Variants in EDIL3 observed in about 807,000 individuals in gnomAD.
EDIL3 encodes the protein EGF like and discoidin domains 3, also known as EGF-like repeat and discoidin I-like domain-containing protein 3.
Under a neutral mutation model 67.4 loss-of-function variants are expected in EDIL3, and 37 were observed. That is an observed-to-expected ratio of 0.55 (90% CI 0.42 to 0.72). The LOEUF is 0.72. Ranked by LOEUF, EDIL3 falls within the 30% of genes least tolerant of loss-of-function variation. The pLI is 0.00. For missense variants in EDIL3, 527 were observed against 586.3 expected, an observed-to-expected ratio of 0.90 and a Z score of 1.04; for synonymous variants, 195 against 196.3, an observed-to-expected ratio of 0.99 and a Z score of 0.05.
intron 1 of EDIL3, among the ~76,000 whole-genome samples, chr5:84,283,947 C>T (rs1432498334): frequency 6.6e-6 from 1 of 152,108 alleles, no homozygotes; most frequent in African/African-American, 2.4e-5. Flanking sequence ...GAGCCCCTTC[C>T]TCTCATTCCC....
chr5:84,048,551 C>T (rs1018378504), intron 9 of EDIL3, among the ~76,000 whole-genome samples: 4 of 151,928 alleles, frequency 2.6e-5, no homozygotes, highest in African/African-American at 7.2e-5. Flanking sequence ...AAATACTATG[C>T]AGACTACCTT....
chr5:84,323,708 A>C (rs2112158209), intron 1 of EDIL3, among the ~76,000 whole-genome samples: 1 of 152,064 alleles, frequency 6.6e-6, no homozygotes, highest in African/African-American at 2.4e-5. Context: ...ATAGATTGTA[A>C]GAAAAAGCAT....
intron 5 of EDIL3, among the ~76,000 whole-genome samples, chr5:84,125,966 T>G (rs551427848): frequency 6.6e-6 from 1 of 151,950 alleles, no homozygotes; most frequent in Non-Finnish European, 1.5e-5. Flanking sequence ...AGTTTACCTC[T>G]TTTCCTTAGT....
chr5:84,026,324 C>T (rs761542898), intron 9 of EDIL3, among the ~76,000 whole-genome samples: 1 of 152,280 alleles, frequency 6.6e-6, no homozygotes, highest in African/African-American at 2.4e-5. Context: ...ATGAAAAGAG[C>T]ATTTTCTGAA....
chr5:84,377,087 G>GA, intron 1 of EDIL3, among the ~76,000 whole-genome samples: 1 of 152,170 alleles, frequency 6.6e-6, no homozygotes, highest in Non-Finnish European at 1.5e-5. Flanking sequence ...AGCACTTTGG[G>GA]AGGCCAAGGC....
At chr5:84,323,811 T>G (rs1044623623) in intron 1 of EDIL3, among the ~76,000 whole-genome samples, 27 of 151,808 alleles carry the variant, frequency 1.8e-4, no homozygotes, top group African/African-American at 6.5e-4. Context: ...AAAAAGGGCA[T>G]AAGAGCCAAA....
At chr5:83,975,049 T>C (rs1171647437) in intron 9 of EDIL3, among the ~76,000 whole-genome samples, 1 of 152,068 alleles carries the variant, frequency 6.6e-6, no homozygotes, top group Non-Finnish European at 1.5e-5. Context: ...TACAGTACGA[T>C]GTGGCCTGAG....
chr5:84,086,970 T>C (rs1325640992), intron 6 of EDIL3, among the ~76,000 whole-genome samples: 1 of 151,360 alleles, frequency 6.6e-6, no homozygotes, highest in Non-Finnish European at 1.5e-5. Flanking sequence ...TACTCTCTGT[T>C]AAAAAAAAAT....
chr5:84,161,935 A>G (rs1748620011), intron 4 of EDIL3, among the ~76,000 whole-genome samples: 1 of 152,184 alleles, frequency 6.6e-6, no homozygotes, highest in Non-Finnish European at 1.5e-5. Context: ...GTTGGAATTT[A>G]GAATTTAGAA....
chr5:84,334,961 A>G (rs1746956451), intron 1 of EDIL3, among the ~76,000 whole-genome samples: 1 of 152,202 alleles, frequency 6.6e-6, no homozygotes, highest in South Asian at 2.1e-4. Flanking sequence ...AATTGTAATT[A>G]GAAGACAGAT....
intron 1 of EDIL3, among the ~76,000 whole-genome samples, chr5:84,265,319 T>G (rs1365693845): frequency 6.6e-6 from 1 of 152,226 alleles, no homozygotes; most frequent in African/African-American, 2.4e-5. Context: ...CAGGATGTTT[T>G]AAGTCACCTC....
chr5:83,989,834 G>C (rs985886486), intron 9 of EDIL3, among the ~76,000 whole-genome samples: 2 of 152,162 alleles, frequency 1.3e-5, no homozygotes, highest in African/African-American at 2.4e-5. Flanking sequence ...ACTGGAGCTA[G>C]AGTTTCTCCT....
At chr5:83,965,596 A>T (rs1401001031) in intron 9 of EDIL3, among the ~76,000 whole-genome samples, 1 of 152,060 alleles carries the variant, frequency 6.6e-6, no homozygotes, top group African/African-American at 2.4e-5. Flanking sequence ...ATAAGTCCTT[A>T]GCTAAGATGA....
chr5:84,264,596 GT>G, intron 1 of EDIL3, among the ~76,000 whole-genome samples: 1 of 152,248 alleles, frequency 6.6e-6, no homozygotes, highest in Admixed American at 6.5e-5. Context: ...CTTTATGTTT[GT>G]TGAAAAATAC....
chr5:83,996,731 T>C (rs1297234463), intron 9 of EDIL3, among the ~76,000 whole-genome samples: 1 of 152,186 alleles, frequency 6.6e-6, no homozygotes, highest in East Asian at 1.9e-4. Flanking sequence ...AAAGCAGCTA[T>C]TCAACCTTGG....
intron 3 of EDIL3, among the ~76,000 whole-genome samples, chr5:84,220,544 G>A (rs909411282): frequency 3.3e-5 from 5 of 152,128 alleles, no homozygotes; most frequent in African/African-American, 1.2e-4. Context: ...CATGAAGGTA[G>A]TTAAAGTGAA....
intron 4 of EDIL3, among the ~76,000 whole-genome samples, chr5:84,154,799 A>G (rs1161721892): frequency 1.3e-5 from 2 of 149,494 alleles, no homozygotes; most frequent in Admixed American, 1.4e-4. Flanking sequence ...TCCCAGGTTC[A>G]AGCGATTCTC....
intron 1 of EDIL3, among the ~76,000 whole-genome samples, chr5:84,262,662 T>TTTTTTTTTTTTTTTTTTTTTTTTTTTTTG: frequency 2.3e-5 from 1 of 43,558 alleles, no homozygotes. Flanking sequence ...TTGGTTGGTT[T>TTTTTTTTTTTTTTTTTTTTTTTTTTTTTG]TTTTTTTTTT....
intron 5 of EDIL3, among the ~76,000 whole-genome samples, chr5:84,136,850 T>G (rs1748101199): frequency 6.6e-6 from 1 of 151,988 alleles, no homozygotes; most frequent in African/African-American, 2.4e-5. Flanking sequence ...TGCCCTGAAT[T>G]TACTCTCAGA....
Sources: gnomAD v4.1 joint callset for allele counts (sites outside exome capture counted in the v4.1 genomes callset) on GRCh38, gnomAD v4.1.1 for gene constraint, MANE v1.5 for transcripts, NCBI Gene and HGNC (gene_info 2026-07-23, HGNC 2026-07-21) for gene names.